Variants in CUEDC2 observed in about 807,000 individuals in gnomAD.
CUEDC2 encodes CUE domain containing 2, also known as CUE domain-containing protein 2.
CUEDC2 carries 10 observed loss-of-function variants against 36.0 expected under a neutral mutation model. The observed-to-expected ratio is 0.28, with a 90% confidence interval of 0.17 to 0.47. CUEDC2 has a LOEUF of 0.47. Ranked by LOEUF, CUEDC2 falls within the 20% of genes least tolerant of loss-of-function variation. The probability of loss-of-function intolerance (pLI) is 0.99; values close to 1 mark genes in which losing one functional copy is unlikely to be tolerated. For missense variants in CUEDC2, 269 were observed against 368.1 expected, an observed-to-expected ratio of 0.73 and a Z score of 2.20; for synonymous variants, 133 against 141.8, an observed-to-expected ratio of 0.94 and a Z score of 0.44.
intron 1 of CUEDC2, among the ~76,000 whole-genome samples, chr10:102,428,349 G>A (rs1008783416): frequency 7.9e-5 from 12 of 152,172 alleles, no homozygotes; most frequent in Non-Finnish European, 2.9e-5. Context: ...GCTGCCATTT[G>A]GACCTATGGG....
chr10:102,424,702 C>T lies in CUEDC2; in HGVS notation c.165G>A (p.Glu55=), dbSNP rs2061589473. The change falls in exon 3 of 9, where the codon GAG becomes GAA. Residue 55 remains glutamate (E), a synonymous_variant. Transcript: ENST00000369937. The surrounding 1 kb of genome is among the most constrained non-coding windows in gnomAD (Gnocchi z 4.2). ...AGGCCTCCATCATCTCAGTGAAAGC[C>T]TCCATATCGAAGTTCTCCTCTGATG... ...SGPSEENFDM[E]AFTEMMEAYV... is the part of the protein sequence containing the mutation. The T allele has an allele frequency of 6.2e-7, 1 of 1,614,194 alleles. No individual in the cohort carries two copies. Among genetic ancestry groups the T allele is most frequent in the Non-Finnish European group, 8.5e-7 (1 of 1,180,024 alleles).
At chr10:102,425,091 G>T in intron 2 of CUEDC2, 24 bp downstream of exon 2, 1 of 1,602,462 alleles carries the variant, frequency 6.2e-7, no homozygotes, top group Non-Finnish European at 8.5e-7. Context: ...ACTGACATGA[G>T]CCTTCCGGGG....
chr10:102,426,698 C>T (rs999477799), intron 1 of CUEDC2, among the ~76,000 whole-genome samples: 1 of 152,060 alleles, frequency 6.6e-6, no homozygotes. Flanking sequence ...GTGGTATGAT[C>T]TCGGCTCACT....
At position 102,429,777 on chromosome 10, in the gene CUEDC2, C is replaced by T. The variant is rs539736034; in HGVS notation, c.-11+2749G>A. Among the ~76,000 whole-genome samples the T allele has an allele frequency of 2.1e-4, 32 of 150,562 alleles. No individual in the cohort carries two copies. In the South Asian group the frequency reaches 5.5e-3, roughly 26 times the overall value. Reference sequence around the variant, plus strand: ...CTGTCAGTTGCATGGTAGCCTCTGCCGGGACAAAGGCCCATGGCTGCTGCA... The same window carrying T: ...CTGTCAGTTGCATGGTAGCCTCTGCTGGGACAAAGGCCCATGGCTGCTGCA... On this transcript the variant is annotated intron_variant, in intron 1 of 8. Coordinates refer to ENST00000369937, the MANE Select transcript of CUEDC2 (RefSeq NM_024040.3).
intron 1 of CUEDC2, among the ~76,000 whole-genome samples, chr10:102,430,144 T>TA (rs1555002022): frequency 2.7e-5 from 3 of 109,460 alleles, no homozygotes; most frequent in Admixed American, 1.1e-4. Context: ...TTTTTTTTTT[T>TA]AATTTTATTT....
Position 102,424,853 on chromosome 10 carries a change from C to G in CUEDC2, c.75-61G>C. The G allele has an allele frequency of 6.4e-7, 1 of 1,565,928 alleles. No homozygotes were observed. Among genetic ancestry groups the G allele is most frequent in the South Asian group, 1.1e-5 (1 of 87,864 alleles). Reference sequence around the variant, plus strand: ...CACTGGATGCCTCCAGCACCCCCACCTATCCTGAGACTCCAGCCCTCAGCT... The same window carrying G: ...CACTGGATGCCTCCAGCACCCCCACGTATCCTGAGACTCCAGCCCTCAGCT... On this transcript the variant is annotated intron_variant, in intron 2 of 8. Transcript: ENST00000369937. The surrounding 1 kb of genome is among the most constrained non-coding windows in gnomAD (Gnocchi z 4.2).
intron 1 of CUEDC2, among the ~76,000 whole-genome samples, chr10:102,429,255 C>A (rs1238395562): frequency 6.6e-6 from 1 of 152,034 alleles, no homozygotes; most frequent in Admixed American, 6.6e-5. Context: ...AAACACCGGG[C>A]TGACATTCAC....
chr10:102,423,977 G>C lies in CUEDC2; in HGVS notation c.594+19C>G. 1.9e-6 allele frequency: 3 copies of C among 1,612,104 alleles called. No individual in the cohort carries two copies. Among genetic ancestry groups the C allele is most frequent in the Non-Finnish European group, 2.5e-6 (3 of 1,179,010 alleles). ...AATGTAGCTGAGGCTACATGGTAGA[G>C]GGTGCTGGGAAAAGATACCTGGTTG... is the stretch of plus-strand genomic sequence containing the variant. On this transcript the variant is annotated intron_variant, in intron 6 of 8. Transcript: ENST00000369937. The surrounding 1 kb of genome is among the most constrained non-coding windows in gnomAD (Gnocchi z 5.6).
chr10:102,425,165 A>G lies in CUEDC2; in HGVS notation c.24T>C (p.Ser8=). 1.9e-6 allele frequency: 3 copies of G among 1,613,874 alleles called. No individual in the cohort carries two copies. The highest frequency in any genetic ancestry group is 2.5e-6 in the Non-Finnish European group (3 of 1,179,934). The part of the protein sequence containing the change: MELERIV[S]AALLAFVQTH... The stretch of plus-strand genomic sequence containing the variant: ...TCTGGACAAAGGCAAGGAGGGCTGC[A>G]CTGACGATCCTCTCCAGCTCCATGC... The change falls in exon 2 of 9, where the codon AGT becomes AGC. Residue 8 remains serine (S), a synonymous_variant. Transcript: ENST00000369937.
chr10:102,430,230 G>A (rs966580732), intron 1 of CUEDC2, among the ~76,000 whole-genome samples: 13 of 149,776 alleles, frequency 8.7e-5, no homozygotes, highest in East Asian at 3.9e-4. Context: ...GTGCAATGGC[G>A]CGATCTTGGC....
At position 102,425,176 on chromosome 10, in the gene CUEDC2, T is replaced by C. The variant is rs776855352; in HGVS notation, c.13A>G (p.Arg5Gly). 1 of 1,613,724 alleles carries C rather than the reference T, an allele frequency of 6.2e-7. No homozygotes were observed. Among genetic ancestry groups the C allele is most frequent in the Non-Finnish European group, 8.5e-7 (1 of 1,179,840 alleles). MELE[R>G]IVSAALLAFV... ...GCAAGGAGGGCTGCACTGACGATCC[T>C]CTCCAGCTCCATGCTCTCTCTTCTG... Residue 5 changes from arginine to glycine, a missense_variant, in exon 2 of 9, where the codon AGG becomes GGG. Coordinates refer to ENST00000369937, the MANE Select transcript of CUEDC2 (RefSeq NM_024040.3).
At position 102,424,856 on chromosome 10, in the gene CUEDC2, T is replaced by G. The variant is rs879366426; in HGVS notation, c.75-64A>C. The G allele has an allele frequency of 2.6e-6, 4 of 1,546,814 alleles. No individual in the cohort carries two copies. The highest frequency in any genetic ancestry group is 3.5e-6 in the Non-Finnish European group (4 of 1,136,644). On this transcript the variant is annotated intron_variant, in intron 2 of 8. Transcript: ENST00000369937. This position sits in a 1 kb window ranked among gnomAD's most constrained non-coding sequence, Gnocchi z 4.2. ...TGGATGCCTCCAGCACCCCCACCTA[T>G]CCTGAGACTCCAGCCCTCAGCTTCA...
chr10:102,425,952 C>T (rs1199833023), intron 1 of CUEDC2, among the ~76,000 whole-genome samples: 1 of 152,130 alleles, frequency 6.6e-6, no homozygotes, highest in East Asian at 1.9e-4. Context: ...CGTCCAGTCA[C>T]TCCTCAGGGC....
chr10:102,429,974 A>G (rs2061610636), intron 1 of CUEDC2, among the ~76,000 whole-genome samples: 1 of 148,100 alleles, frequency 6.8e-6, no homozygotes, highest in Non-Finnish European at 1.5e-5. Flanking sequence ...AATTTTTTGT[A>G]TTTTTGGTAG....
chr10:102,424,201 G>C lies in CUEDC2; in HGVS notation c.412-23C>G, dbSNP rs1400035003. 6.2e-7 allele frequency: 1 copy of C among 1,612,012 alleles called. No homozygotes were observed. The highest frequency in any genetic ancestry group is 2.2e-5 in the East Asian group (1 of 44,854). On this transcript the variant is annotated intron_variant, in intron 5 of 8. Transcript: ENST00000369937. This position sits in a 1 kb window ranked among gnomAD's most constrained non-coding sequence, Gnocchi z 4.2. ...TGCCTAAGGGTACAAACGTTAACAA[G>C]AGGCAATACTCCCCCCTTTCCAGCC... is the stretch of plus-strand genomic sequence containing the variant.
In CUEDC2 at chr10:102,423,349, C is replaced by G; in HGVS notation, c.*77G>C. The G allele has an allele frequency of 2.5e-6, 4 of 1,579,148 alleles. No individual in the cohort carries two copies. Among genetic ancestry groups the G allele is most frequent in the Non-Finnish European group, 2.6e-6 (3 of 1,152,990 alleles). ...GAAGGGGGACAGGAGTTAGGGGGCC[C>G]CTGTGTAGGGGTATAGGGCTCCTGC... On this transcript the variant is annotated 3_prime_UTR_variant, in exon 9 of 9. Coordinates refer to ENST00000369937, the MANE Select transcript of CUEDC2 (RefSeq NM_024040.3). The surrounding 1 kb of genome is among the most constrained non-coding windows in gnomAD (Gnocchi z 5.6).
Position 102,424,732 on chromosome 10 carries a change from C to T in CUEDC2, c.135G>A (p.Ser45=), listed in dbSNP as rs996594383. 6 of 1,614,034 alleles carry T rather than the reference C, an allele frequency of 3.7e-6. No homozygotes were observed. The highest frequency in any genetic ancestry group is 2.2e-5 in the South Asian group (2 of 91,086). Residue 45 remains serine (S), a synonymous_variant, in exon 3 of 9, where the codon TCG becomes TCA. Coordinates refer to ENST00000369937, the MANE Select transcript of CUEDC2 (RefSeq NM_024040.3). This position sits in a 1 kb window ranked among gnomAD's most constrained non-coding sequence, Gnocchi z 4.2. ...VLGVLEDLGP[S]GPSEENFDME... ...TATCGAAGTTCTCCTCTGATGGGCC[C>T]GAGGGGCCCAGGTCCTCCAGGACCC... is the stretch of plus-strand genomic sequence containing the variant.
chr10:102,423,526 G>A lies in CUEDC2; in HGVS notation c.764C>T (p.Thr255Ile). 1.2e-6 allele frequency: 2 copies of A among 1,614,186 alleles called. No individual in the cohort carries two copies. The highest frequency in any genetic ancestry group is 1.7e-6 in the Non-Finnish European group (2 of 1,180,032). ...CACATCTTTGAATCGCTCCCCTTTG[G>A]TGCTCACTACCTGGTTGTCGATGTA... Reference protein sequence around the residue: ...IRYIDNQVVSTKGERFKDVRN... With the variant: ...IRYIDNQVVSIKGERFKDVRN... The change falls in exon 9 of 9, where the codon ACC becomes ATC. Residue 255 changes from threonine (T) to isoleucine (I), a missense_variant. By Grantham distance (89) the Thr-to-Ile change is moderately conservative. Transcript: ENST00000369937. This position sits in a 1 kb window ranked among gnomAD's most constrained non-coding sequence, Gnocchi z 5.6.
intron 1 of CUEDC2, among the ~76,000 whole-genome samples, chr10:102,426,642 CT>C (rs1368768679): frequency 3.3e-5 from 5 of 151,774 alleles, no homozygotes; most frequent in African/African-American, 7.3e-5. Flanking sequence ...TCTTCTTTTT[CT>C]TTTTTTTAGG....
Sources: gnomAD v4.1 joint callset for allele counts (sites outside exome capture counted in the v4.1 genomes callset) on GRCh38, gnomAD v4.1.1 for gene constraint, Gnocchi (gnomAD v3.1) non-coding constraint, MANE v1.5 for transcripts, NCBI Gene and HGNC (gene_info 2026-07-23, HGNC 2026-07-21) for gene names.